CHID1: variants seen among roughly 807,000 people sequenced by gnomAD.
The protein encoded by CHID1 is chitinase domain-containing protein 1.
A neutral mutation model predicts 55.4 loss-of-function variants in CHID1; 44 were observed. The observed-to-expected ratio is 0.79, with a 90% CI of 0.62 to 1.02. The LOEUF is 1.02. Ranked by LOEUF, CHID1 falls within the 50% of genes least tolerant of loss-of-function variation. The pLI is 0.00. For missense variants in CHID1, 491 were observed against 515.3 expected, an observed-to-expected ratio of 0.95 and a Z score of 0.46; for synonymous variants, 216 against 212.9, an observed-to-expected ratio of 1.01 and a Z score of -0.13.
chr11:895,224 T>C (rs1292468662), intron 7 of CHID1, among the ~76,000 whole-genome samples: 1 of 152,172 alleles, frequency 6.6e-6, no homozygotes, highest in Non-Finnish European at 1.5e-5. Context: ...CTATGCTGTC[T>C]GCAGGTACCC....
At position 903,073 on chromosome 11, in the gene CHID1, C is replaced by T; in HGVS notation, c.150G>A (p.Leu50=). 1.2e-6 allele frequency: 2 copies of T among 1,613,322 alleles called. No individual in the cohort carries two copies. The highest frequency in any genetic ancestry group is 1.7e-6 in the Non-Finnish European group (2 of 1,179,996). The change falls in exon 3 of 13, where the codon TTG becomes TTA. Residue 50 remains leucine (L), a synonymous_variant. Transcript: ENST00000323578. Reference sequence around the variant, plus strand: ...TCTCAGCTTTGAGGTCCGTCACCACCAAACCCCGGTCTTGCACCGGCTTAT... The same window carrying T: ...TCTCAGCTTTGAGGTCCGTCACCACTAAACCCCGGTCTTGCACCGGCTTAT... ...FSDKPVQDRG[L]VVTDLKAESV...
intron 8 of CHID1, among the ~76,000 whole-genome samples, chr11:886,583 T>C (rs1249572912): frequency 6.6e-6 from 1 of 152,222 alleles, no homozygotes; most frequent in African/African-American, 2.4e-5. Flanking sequence ...GACGAGGCCA[T>C]GATGACGCGC....
intron 5 of CHID1, 37 bp downstream of exon 5, chr11:900,899 G>A (rs1361791984): frequency 1.1e-5 from 18 of 1,581,898 alleles, no homozygotes; most frequent in Non-Finnish European, 1.5e-5. Context: ...CGCAGTTTGA[G>A]CCATCAGGGC....
chr11:880,144 C>A (rs1849800338), intron 10 of CHID1, among the ~76,000 whole-genome samples: 1 of 152,244 alleles, frequency 6.6e-6, no homozygotes, highest in Non-Finnish European at 1.5e-5. Context: ...AACAGGGGAC[C>A]CAAACGAGCC....
intron 10 of CHID1, among the ~76,000 whole-genome samples, chr11:873,972 G>A (rs949080485): frequency 5.9e-5 from 9 of 151,664 alleles, no homozygotes; most frequent in South Asian, 2.1e-4. Context: ...GGTTCGACGC[G>A]TTTCTAGGGA....
upstream of CHID1, chr11:910,836 G>T: frequency 3.7e-6 from 4 of 1,095,676 alleles, no homozygotes; most frequent in Non-Finnish European, 4.5e-6. Flanking sequence ...CAGCGCGCCG[G>T]AAGTCCCGCC....
chr11:903,245 A>G (rs1851955185), intron 2 of CHID1, 134 bp from the exon 3 acceptor site: 1 of 873,176 alleles, frequency 1.1e-6, no homozygotes, highest in African/African-American at 1.7e-5. Flanking sequence ...TGACCCGGAG[A>G]CCCTGTATGT....
In CHID1 at chr11:908,491, G is replaced by A. The variant is rs554583695; in HGVS notation, c.-44+2284C>T. 1,170 of 746,068 alleles carry A rather than the reference G, an allele frequency of 1.6e-3. 2 individuals carry two copies. Among genetic ancestry groups the A allele is most frequent in the Non-Finnish European group, 1.9e-3 (1,136 of 610,858 alleles). 46.2% of individuals were successfully genotyped at this position (746,068 alleles called of 1,614,324 possible). A position where few individuals can be genotyped will look rare whatever the true frequency, so the allele number is the denominator to read the frequency against. On this transcript the variant is annotated intron_variant, in intron 1 of 12. Coordinates refer to ENST00000323578, the MANE Select transcript of CHID1 (RefSeq NM_023947.4). ...TGAGTCAGCAACAGCCCCAGGGAAGGTGGGGAGGGTTCTGGCCATGGCACA... is the reference window on the plus strand; with the variant it reads ...TGAGTCAGCAACAGCCCCAGGGAAGATGGGGAGGGTTCTGGCCATGGCACA...
chr11:902,469 C>T, intron 3 of CHID1, 139 bp from the exon 4 acceptor site: 1 of 917,896 alleles, frequency 1.1e-6, no homozygotes, highest in South Asian at 1.6e-5. Flanking sequence ...ACATCAGCTC[C>T]TGGCCTGGGG....
intron 1 of CHID1, among the ~76,000 whole-genome samples, chr11:908,945 G>A (rs1038781186): frequency 6.6e-6 from 1 of 152,260 alleles, no homozygotes; most frequent in African/African-American, 2.4e-5. Context: ...GGGGACACTA[G>A]GAGAACCTAA....
chr11:902,950 G>A lies in CHID1; in HGVS notation c.261+12C>T. 1.9e-6 allele frequency: 3 copies of A among 1,612,336 alleles called. No homozygotes were observed. The South Asian group carries it at 3.3e-5, about 18-fold the overall frequency. ...CAGGACCTCCCTCTGCACTGTGAGG[G>A]CCCCAACTTACTGGAGTGACATAGC... On this transcript the variant is annotated intron_variant, in intron 3 of 12. Transcript: ENST00000323578.
Position 869,807 on chromosome 11 carries a change from A to C in CHID1, c.*51T>G. 6.6e-7 allele frequency: 1 copy of C among 1,517,528 alleles called. No individual in the cohort carries two copies. Among genetic ancestry groups the C allele is most frequent in the South Asian group, 1.1e-5 (1 of 89,110 alleles). 94.0% of individuals were successfully genotyped at this position (1,517,528 alleles called of 1,614,324 possible). On this transcript the variant is annotated 3_prime_UTR_variant, in exon 13 of 13. Transcript: ENST00000323578. The stretch of plus-strand genomic sequence containing the variant: ...GCCTGTATTTCACACCTGCTCACTC[A>C]CTCCATGGCTTAGAAAAGAACACGT...
intron 10 of CHID1, among the ~76,000 whole-genome samples, chr11:871,549 C>T (rs1484872620): frequency 4.3e-3 from 2 of 460 alleles, no homozygotes; most frequent in Non-Finnish European, 0.01. Flanking sequence ...CTGGTCTCCA[C>T]AGACAGGAGT....
In CHID1 at chr11:891,970, A is replaced by C. The variant is rs576524689; in HGVS notation, c.701+1457T>G. Among the ~76,000 whole-genome samples the C allele has an allele frequency of 3.4e-5, 5 of 144,938 alleles. 1 individual carries two copies. In the East Asian group the frequency reaches 1.0e-3, roughly 29 times the overall value. On this transcript the variant is annotated intron_variant, in intron 8 of 12. Transcript: ENST00000323578. ...AAAAAAAAAAAAAAAACACAAATTA[A>C]CTGGGTGTGGTGACATGTGCCTGTA...
intron 8 of CHID1, among the ~76,000 whole-genome samples, chr11:890,800 G>C (rs1479702093): frequency 6.6e-6 from 1 of 152,186 alleles, no homozygotes; most frequent in Non-Finnish European, 1.5e-5. Context: ...CTCAGTTCCA[G>C]GACCAGACAC....
intron 10 of CHID1, among the ~76,000 whole-genome samples, chr11:876,920 A>G (rs1002162170): frequency 2.0e-5 from 3 of 152,060 alleles, no homozygotes; most frequent in Non-Finnish European, 4.4e-5. Flanking sequence ...AGATCTCCCT[A>G]TGGCCTGCTC....
intron 8 of CHID1, among the ~76,000 whole-genome samples, chr11:885,180 C>G (rs966741862): frequency 9.2e-5 from 14 of 152,200 alleles, no homozygotes; most frequent in African/African-American, 3.4e-4. Flanking sequence ...CTCCTCTGCT[C>G]AAGGGTCACT....
Position 900,929 on chromosome 11 carries a change from C to G in CHID1, c.439+7G>C, listed in dbSNP as rs10794339. On this transcript the variant is annotated splice_region_variant and intron_variant, in intron 5 of 12. Coordinates refer to ENST00000323578, the MANE Select transcript of CHID1 (RefSeq NM_023947.4). ...CAGGGCCTCCACTCCTGGCCTGCCGCACTTACCTATGTGCAGGCCCTTGGC... is the reference window on the plus strand; with the variant it reads ...CAGGGCCTCCACTCCTGGCCTGCCGGACTTACCTATGTGCAGGCCCTTGGC... 0.57 allele frequency: 904,370 copies of G among 1,598,072 alleles called. 260,389 individuals carry two copies. Among genetic ancestry groups the G allele is most frequent in the South Asian group, 0.76 (67,054 of 88,732 alleles).
intron 3 of CHID1, among the ~76,000 whole-genome samples, chr11:902,719 C>A (rs568537565): frequency 2.0e-5 from 3 of 152,190 alleles, no homozygotes; most frequent in Non-Finnish European, 4.4e-5. Flanking sequence ...TGCGAGCCCA[C>A]CTCTGGATTC....
Sources: allele counts gnomAD v4.1 joint callset (sites outside exome capture counted in the v4.1 genomes callset), GRCh38; gene constraint gnomAD v4.1.1; transcripts MANE v1.5; gene names NCBI Gene and HGNC (gene_info 2026-07-23, HGNC 2026-07-21).